Variants in RBFOX3 observed in about 807,000 individuals in gnomAD.
RBFOX3 encodes RNA binding fox-1 homolog 3.
Under a neutral mutation model 48.7 loss-of-function variants are expected in RBFOX3, and 17 were observed. The ratio of observed to expected loss-of-function variants is 0.35; its 90% CI spans 0.24 to 0.52. The LOEUF is 0.52. Ranked by LOEUF, RBFOX3 falls within the 20% of genes least tolerant of loss-of-function variation. The probability of loss-of-function intolerance (pLI) is 0.94; values close to 1 mark genes in which losing one functional copy is unlikely to be tolerated. For synonymous variants in RBFOX3, 212 were observed against 209.5 expected (o/e 1.01, Z -0.10); for missense variants, 382 against 497.5 (o/e 0.77, Z 2.21).
At chr17:79,313,001 G>A (rs1161970479) in intron 2 of RBFOX3, among the ~76,000 whole-genome samples, 1 of 152,176 alleles carries the variant, frequency 6.6e-6, no homozygotes, top group African/African-American at 2.4e-5. Flanking sequence ...GTAGGATGCT[G>A]GGAGAGTCTA....
intron 14 of RBFOX3, chr17:79,094,179 C>T (rs2074649317): frequency 2.4e-6 from 1 of 417,078 alleles, no homozygotes. Flanking sequence ...AGTGAGGGAG[C>T]TCAGGGAAAC....
At chr17:79,544,958 C>G (rs185950503) in intron 1 of RBFOX3, among the ~76,000 whole-genome samples, 18 of 146,630 alleles carry the variant, frequency 1.2e-4, no homozygotes, top group Admixed American at 1.2e-3. Flanking sequence ...CACCACCACC[C>G]ACCACATCAT....
intron 4 of RBFOX3, among the ~76,000 whole-genome samples, chr17:79,190,053 C>T (rs559170962): frequency 5.9e-5 from 9 of 152,386 alleles, no homozygotes; most frequent in Admixed American, 5.2e-4. Context: ...CCCCCACTTG[C>T]TCTCCTTCAG....
At chr17:79,637,060 G>A in the RBFOX3 span, among the ~76,000 whole-genome samples, 1 of 152,032 alleles carries the variant, frequency 6.6e-6, no homozygotes, top group Non-Finnish European at 1.5e-5. Flanking sequence ...AAGAGAAAAA[G>A]GTTACTATAT....
chr17:79,108,205 G>A (rs1431170564), intron 5 of RBFOX3, among the ~76,000 whole-genome samples: 1 of 152,248 alleles, frequency 6.6e-6, no homozygotes, highest in African/African-American at 2.4e-5. Flanking sequence ...GAAGGTAGGA[G>A]GGTCTTGGCT....
chr17:79,122,226 C>A (rs747562103), intron 4 of RBFOX3, among the ~76,000 whole-genome samples: 8 of 152,176 alleles, frequency 5.3e-5, no homozygotes, highest in Admixed American at 1.3e-4. Flanking sequence ...TTGGTCGGGC[C>A]GCCATCATCT....
Position 79,318,632 on chromosome 17 carries a change from A to G in RBFOX3, c.-174-10808T>C, listed in dbSNP as rs900597373. Reference sequence around the variant, plus strand: ...CACATTGGGAGGCTGAGGCAGGTGGATCACGAGGTCAGGAGATCTAGACCA... The same window carrying G: ...CACATTGGGAGGCTGAGGCAGGTGGGTCACGAGGTCAGGAGATCTAGACCA... On this transcript the variant is annotated intron_variant, in intron 2 of 14. Coordinates refer to ENST00000693108, the MANE Select transcript of RBFOX3 (RefSeq NM_001350451.2). 2.0e-4 allele frequency among the ~76,000 whole-genome samples: 30 copies of G among 152,070 alleles called. 1 individual carries two copies. Among genetic ancestry groups the G allele is most frequent in the African/African-American group, 7.2e-4 (30 of 41,396 alleles).
chr17:79,265,567 T>C (rs931873093), intron 3 of RBFOX3, among the ~76,000 whole-genome samples: 3 of 152,228 alleles, frequency 2.0e-5, no homozygotes, highest in African/African-American at 7.2e-5. Flanking sequence ...CTTTTAGATA[T>C]GTGTAGCAGT....
chr17:79,272,861 A>T (rs1173960047), intron 3 of RBFOX3, among the ~76,000 whole-genome samples: 1 of 151,928 alleles, frequency 6.6e-6, no homozygotes, highest in African/African-American at 2.4e-5. Flanking sequence ...CTCCAGAAAG[A>T]TTGTCTTCCC....
Position 79,111,625 on chromosome 17 carries a change from G to A in RBFOX3, c.222+3869C>T, listed in dbSNP as rs1485089392. ...TAATTTTTGTATTTTTGTAGAGACA[G>A]GGTTCCACCATCTTGGCCAGGCTGG... is the stretch of plus-strand genomic sequence containing the variant. On this transcript the variant is annotated intron_variant, in intron 5 of 14. Coordinates refer to ENST00000693108, the MANE Select transcript of RBFOX3 (RefSeq NM_001350451.2). The surrounding 1 kb of genome is among the most constrained non-coding windows in gnomAD (Gnocchi z 4.2). Among the ~76,000 whole-genome samples, 1 of 152,192 alleles carries A rather than the reference G, an allele frequency of 6.6e-6. No homozygotes were observed. Among genetic ancestry groups the A allele is most frequent in the Non-Finnish European group, 1.5e-5 (1 of 68,036 alleles).
chr17:79,218,943 G>A (rs543053361), intron 4 of RBFOX3, among the ~76,000 whole-genome samples: 22 of 152,328 alleles, frequency 1.4e-4, no homozygotes, highest in Non-Finnish European at 2.8e-4. Flanking sequence ...TGACCCTCGC[G>A]ATTCTGACTC....
At chr17:79,372,230 C>A (rs1467824900) in intron 2 of RBFOX3, among the ~76,000 whole-genome samples, 2 of 151,992 alleles carry the variant, frequency 1.3e-5, no homozygotes, top group Non-Finnish European at 2.9e-5. Flanking sequence ...GGCTCCCCAG[C>A]CTGTCCTATG....
At position 79,311,955 on chromosome 17, in the gene RBFOX3, G is replaced by GA. The variant is rs545974388; in HGVS notation, c.-174-4132dup. Among the ~76,000 whole-genome samples, 88 of 152,262 alleles carry GA rather than the reference G, an allele frequency of 5.8e-4. No individual in the cohort carries two copies. Among genetic ancestry groups the GA allele is most frequent in the Non-Finnish European group, 1.0e-3 (71 of 68,020 alleles). The stretch of plus-strand genomic sequence containing the variant: ...CAGGTGCCAGCTTCAGCTCGGGCCT[G>GA]AAAATCCCTCCCCGTCAGAGCTGAC... On this transcript the variant is annotated intron_variant, in intron 2 of 14. Coordinates refer to ENST00000693108, the MANE Select transcript of RBFOX3 (RefSeq NM_001350451.2). This position sits in a 1 kb window ranked among gnomAD's most constrained non-coding sequence, Gnocchi z 4.2.
upstream of RBFOX3, among the ~76,000 whole-genome samples, chr17:79,612,762 G>A (rs1159676567): frequency 6.6e-6 from 1 of 152,206 alleles, no homozygotes; most frequent in Non-Finnish European, 1.5e-5. Flanking sequence ...TGGGCCTCTT[G>A]GTTCTCTGCT....
intron 1 of RBFOX3, among the ~76,000 whole-genome samples, chr17:79,526,033 A>C (rs1599043310): frequency 6.6e-6 from 1 of 152,206 alleles, no homozygotes; most frequent in South Asian, 2.1e-4. Flanking sequence ...GTTGGGGTAC[A>C]CCAGGGGCAC....
Position 79,432,442 on chromosome 17 carries a change from C to CTGGGT in RBFOX3, c.-175+50011_-175+50012insACCCA, listed in dbSNP as rs2068633120. On this transcript the variant is annotated intron_variant, in intron 2 of 14. Coordinates refer to ENST00000693108, the MANE Select transcript of RBFOX3 (RefSeq NM_001350451.2). ...ATGGAGGAGCTAACCATACCCACAT[C>CTGGGT]AGTCACCTGGGTTGGTGGGACATCT... 2.0e-5 allele frequency among the ~76,000 whole-genome samples: 3 copies of CTGGGT among 152,368 alleles called. No individual in the cohort carries two copies. In the East Asian group the frequency reaches 5.8e-4, roughly 29 times the overall value.
At position 79,092,172 on chromosome 17, in the gene RBFOX3, G is replaced by A. The variant is rs992602838; in HGVS notation, c.1078-1287C>T. ...GGCTTTGGGGGAGGCCCTGCCAGGCGTTTCTGTTGTTCTGTGCAGCCTGGG... is the reference window on the plus strand; with the variant it reads ...GGCTTTGGGGGAGGCCCTGCCAGGCATTTCTGTTGTTCTGTGCAGCCTGGG... On this transcript the variant is annotated intron_variant, in intron 14 of 14. Coordinates refer to ENST00000693108, the MANE Select transcript of RBFOX3 (RefSeq NM_001350451.2). 9 of 985,378 alleles carry A rather than the reference G, an allele frequency of 9.1e-6. No homozygotes were observed. The African/African-American group carries it at 1.0e-4, about 11-fold the overall frequency. The allele number at this position is 985,378 out of a possible 1,614,324, so 61.0% of individuals were successfully genotyped here.
chr17:79,619,421 G>A, the RBFOX3 span, among the ~76,000 whole-genome samples: 1 of 152,206 alleles, frequency 6.6e-6, no homozygotes, highest in Non-Finnish European at 1.5e-5. Context: ...GCTCCTGGGG[G>A]CCAGGGGCAA....
At chr17:79,120,327 T>G (rs1327842461) in intron 4 of RBFOX3, among the ~76,000 whole-genome samples, 1 of 151,932 alleles carries the variant, frequency 6.6e-6, no homozygotes, top group African/African-American at 2.4e-5. Flanking sequence ...CATGGATGGA[T>G]GGATGGGAGG....
Sources: allele counts gnomAD v4.1 joint callset (sites outside exome capture counted in the v4.1 genomes callset), GRCh38; gene constraint gnomAD v4.1.1; non-coding constraint Gnocchi (gnomAD v3.1); transcripts MANE v1.5; gene names NCBI Gene and HGNC (gene_info 2026-07-23, HGNC 2026-07-21).